TFB1M: variants seen among roughly 807,000 people sequenced by gnomAD.
TFB1M encodes dimethyladenosine transferase 1, mitochondrial.
In TFB1M, 27 loss-of-function variants were observed where a neutral mutation model predicts 31.1. The ratio of observed to expected loss-of-function variants is 0.87; its 90% confidence interval spans 0.64 to 1.20. The LOEUF (loss-of-function observed/expected upper bound fraction) is 1.20. Ranked by LOEUF, TFB1M falls within the 50% of genes most tolerant of loss-of-function variation. The probability of loss-of-function intolerance (pLI) is 0.00; values close to 1 mark genes in which losing one functional copy is unlikely to be tolerated. For missense variants in TFB1M, 394 were observed against 418.7 expected (o/e 0.94, Z 0.51); for synonymous variants, 166 against 151.8 (o/e 1.09, Z -0.69).
chr6:155,239,048 T>A, the TFB1M span, among the ~76,000 whole-genome samples: 1 of 152,168 alleles, frequency 6.6e-6, no homozygotes, highest in Non-Finnish European at 1.5e-5. Context: ...ACAGACTGTA[T>A]AAAAAGCATG....
chr6:155,230,379 G>C, the TFB1M span, among the ~76,000 whole-genome samples: 4 of 152,348 alleles, frequency 2.6e-5, no homozygotes, highest in South Asian at 2.1e-4. Context: ...GCTGTGCACA[G>C]TTTAGCTGAC....
intron 2 of TFB1M, among the ~76,000 whole-genome samples, chr6:155,307,166 C>T (rs912807789): frequency 7.2e-6 from 1 of 139,756 alleles, no homozygotes; most frequent in Admixed American, 7.3e-5. Flanking sequence ...CACACACACA[C>T]ATATACACAC....
At chr6:155,244,695 A>G in the TFB1M span, 1 of 1,614,068 alleles carries the variant, frequency 6.2e-7, no homozygotes, top group Non-Finnish European at 8.5e-7. Flanking sequence ...GAGATGCTTG[A>G]GTTTCAGAAG....
the TFB1M span, chr6:155,244,579 A>G: frequency 6.7e-7 from 1 of 1,498,424 alleles, no homozygotes; most frequent in Non-Finnish European, 9.0e-7. Context: ...CTTGTGATTT[A>G]TTTGTGGGCC....
intron 1 of TFB1M, chr6:155,314,068 G>C: frequency 1.4e-6 from 2 of 1,414,278 alleles, no homozygotes; most frequent in Non-Finnish European, 1.8e-6. Flanking sequence ...GCAGCCTGCC[G>C]GCAGGCTACA....
At chr6:155,305,751 A>ATATATTAAATTATATATTTATATG (rs1777736825) in intron 2 of TFB1M, among the ~76,000 whole-genome samples, 1 of 109,040 alleles carries the variant, frequency 9.2e-6, no homozygotes, top group Non-Finnish European at 1.8e-5. Context: ...ATATTTATAT[A>ATATATTAAATTATATATTTATATG]TATAAATATA....
chr6:155,255,591 C>T (rs1442397168), downstream of TFB1M: 1 of 150,638 alleles, frequency 6.6e-6, no homozygotes, highest in Non-Finnish European at 1.5e-5. Context: ...AACTCCCTTC[C>T]TTCTTTCAAT....
At chr6:155,310,101 G>C (rs1364461700) in intron 2 of TFB1M, among the ~76,000 whole-genome samples, 1 of 152,072 alleles carries the variant, frequency 6.6e-6, no homozygotes, top group Non-Finnish European at 1.5e-5. Context: ...TTCTCAAACC[G>C]TTCTGACAGA....
At chr6:155,241,396 G>A in the TFB1M span, among the ~76,000 whole-genome samples, 3 of 152,270 alleles carry the variant, frequency 2.0e-5, no homozygotes, top group Admixed American at 1.3e-4. Context: ...GAAGCAGCGC[G>A]GCACGGTGCG....
At chr6:155,262,521 C>A (rs1784437038) in intron 5 of TFB1M, among the ~76,000 whole-genome samples, 1 of 152,162 alleles carries the variant, frequency 6.6e-6, no homozygotes, top group Non-Finnish European at 1.5e-5. Context: ...CCCTTCAACT[C>A]CAGTTCTCCC....
intron 4 of TFB1M, among the ~76,000 whole-genome samples, chr6:155,294,879 T>C (rs1391280963): frequency 3.9e-5 from 6 of 152,190 alleles, no homozygotes; most frequent in Non-Finnish European, 8.8e-5. Context: ...AACAGAACGA[T>C]GAAACTAATT....
chr6:155,250,919 G>T, the TFB1M span: 1 of 1,614,170 alleles, frequency 6.2e-7, no homozygotes, highest in Non-Finnish European at 8.5e-7. Context: ...CTAGGTAACA[G>T]AACTTTCGAT....
At chr6:155,248,115 G>A in the TFB1M span, 418 of 1,614,028 alleles carry the variant, frequency 2.6e-4, no homozygotes, top group Non-Finnish European at 3.2e-4. Flanking sequence ...TCAAGTACCC[G>A]CTGCTGCTCA....
chr6:155,268,224 C>T (rs1784752111), intron 5 of TFB1M, among the ~76,000 whole-genome samples: 1 of 152,148 alleles, frequency 6.6e-6, no homozygotes, highest in South Asian at 2.1e-4. Flanking sequence ...TCTTTAAATC[C>T]TCCACACCAT....
In TFB1M at chr6:155,290,402, A is replaced by AG. The variant is rs1776859626; in HGVS notation, c.547-5126_547-5125insC. Among the ~76,000 whole-genome samples the AG allele has an allele frequency of 7.0e-5, 10 of 143,534 alleles. No homozygotes were observed. The South Asian group carries it at 1.4e-3, about 20-fold the overall frequency. 94.2% of individuals were successfully genotyped at this position (143,534 alleles called of 152,430 possible). Reference sequence around the variant, plus strand: ...AGACTCGGCCTCAAAAAAAAAAAAAAAAAAAAAAGAAAAGAATGGACTAAT... The same window carrying AG: ...AGACTCGGCCTCAAAAAAAAAAAAAAGAAAAAAAAGAAAAGAATGGACTAAT... On this transcript the variant is annotated intron_variant, in intron 4 of 6. Transcript: ENST00000367166.
In TFB1M at chr6:155,314,267, C is replaced by T. The variant is rs1367382296; in HGVS notation, c.133+29G>A. On this transcript the variant is annotated intron_variant, in intron 1 of 6. Transcript: ENST00000367166. ...CACGCCCCCACGGACACTGGGGAGACATCCGGGGAGCACTGCTAAGCCATC... is the reference window on the plus strand; with the variant it reads ...CACGCCCCCACGGACACTGGGGAGATATCCGGGGAGCACTGCTAAGCCATC... 3.1e-6 allele frequency: 5 copies of T among 1,611,918 alleles called. No homozygotes were observed. In the Admixed American group the frequency reaches 5.0e-5, roughly 16 times the overall value.
At chr6:155,240,573 G>C in the TFB1M span, 1 of 1,614,012 alleles carries the variant, frequency 6.2e-7, no homozygotes, top group African/African-American at 1.3e-5. Context: ...TTTAACGACA[G>C]TCAGGCCAAC....
chr6:155,294,425 G>A (rs931914388), intron 4 of TFB1M, among the ~76,000 whole-genome samples: 6 of 152,072 alleles, frequency 3.9e-5, no homozygotes, highest in Non-Finnish European at 7.4e-5. Context: ...TTTAACTAAG[G>A]ACTAGTATGA....
At chr6:155,250,503 T>G in the TFB1M span, 1 of 1,521,432 alleles carries the variant, frequency 6.6e-7, no homozygotes, top group Non-Finnish European at 8.8e-7. Flanking sequence ...AGTCCTTCAC[T>G]CTGGCCAGTT....
Sources: allele counts gnomAD v4.1 joint callset (sites outside exome capture counted in the v4.1 genomes callset), GRCh38; gene constraint gnomAD v4.1.1; transcripts MANE v1.5; gene names NCBI Gene and HGNC (gene_info 2026-07-23, HGNC 2026-07-21).